ARSF: variants seen among roughly 807,000 people sequenced by gnomAD.
ARSF encodes arylsulfatase F.
ARSF carries 33 observed loss-of-function variants against 35.4 expected under a neutral mutation model. The ratio of observed to expected loss-of-function variants is 0.93; its 90% CI spans 0.71 to 1.25. The LOEUF is 1.25. ARSF is among the 50% of genes most tolerant of loss of function. The probability of loss-of-function intolerance (pLI) is 0.00; values close to 1 mark genes in which losing one functional copy is unlikely to be tolerated. For missense variants in ARSF, 501 were observed against 480.2 expected (o/e 1.04, Z -0.40); for synonymous variants, 222 against 193.1 (o/e 1.15, Z -1.24).
In ARSF at chrX:3,112,671, A is replaced by G; in HGVS notation, c.*115A>G. 1 of 998,318 alleles carries G rather than the reference A, an allele frequency of 1.0e-6. No individual in the cohort carries two copies. The highest frequency in any genetic ancestry group is 2.7e-4 in the Middle Eastern group (1 of 3,637). The allele number at this position is 998,318 out of a possible 1,213,427, so 82.3% of individuals were successfully genotyped here. ...TTTCAAGTTGGCAAGGAGTGCATTT[A>G]ATAGTCAATAAATTCATCTACCATT... On this transcript the variant is annotated 3_prime_UTR_variant, in exon 11 of 11. Coordinates refer to ENST00000381127, the MANE Select transcript of ARSF (RefSeq NM_001201539.2).
At chrX:3,081,104 T>C (rs2090198392) in intron 5 of ARSF, 91 bp downstream of exon 5, 6 of 1,097,965 alleles carry the variant, frequency 5.5e-6, no homozygotes, top group Non-Finnish European at 7.3e-6. Context: ...GGAAACGCTG[T>C]ATTTTACAAT....
intron 1 of ARSF, among the ~76,000 whole-genome samples, chrX:3,061,482 G>A (rs2090041465): frequency 9.0e-6 from 1 of 111,533 alleles, no homozygotes; most frequent in Admixed American, 9.6e-5. Flanking sequence ...TGGGTTAACT[G>A]CCCTGATTAA....
At chrX:3,071,329 A>G (rs956660780) in intron 2 of ARSF, among the ~76,000 whole-genome samples, 12 of 109,949 alleles carry the variant, frequency 1.1e-4, no homozygotes, top group African/African-American at 4.0e-4. Flanking sequence ...TTTTTGATGG[A>G]ACCTCGGTCC....
chrX:3,040,433 A>G (rs1377985577), upstream of ARSF, among the ~76,000 whole-genome samples: 2 of 110,321 alleles, frequency 1.8e-5, no homozygotes, highest in Admixed American at 1.9e-4. Context: ...TTTTTCTCCT[A>G]GGAAGTTGTT....
chrX:3,093,228 T>C (rs765601168), intron 7 of ARSF, among the ~76,000 whole-genome samples: 1 of 112,691 alleles, frequency 8.9e-6, no homozygotes, highest in Non-Finnish European at 1.9e-5. Flanking sequence ...AGTCTACTGA[T>C]AGAATAAACA....
intron 7 of ARSF, among the ~76,000 whole-genome samples, chrX:3,096,208 G>A (rs1320931291): frequency 1.8e-5 from 2 of 109,524 alleles, no homozygotes; most frequent in African/African-American, 6.6e-5. Context: ...TCTCTGTTGG[G>A]TATATGCACC....
intron 1 of ARSF, among the ~76,000 whole-genome samples, chrX:3,046,985 C>T (rs760278057): frequency 3.5e-4 from 39 of 110,213 alleles, no homozygotes; most frequent in Non-Finnish European, 5.5e-4. Flanking sequence ...AAGAAAATGT[C>T]GTAACATTTT....
chrX:3,090,337 C>G (rs1346530070), intron 7 of ARSF, among the ~76,000 whole-genome samples: 4 of 111,512 alleles, frequency 3.6e-5, no homozygotes, highest in Non-Finnish European at 7.5e-5. Context: ...TCATCTCACA[C>G]TGTTACTTTT....
chrX:3,093,344 A>G (rs2090314550), intron 7 of ARSF, among the ~76,000 whole-genome samples: 2 of 111,750 alleles, frequency 1.8e-5, no homozygotes, highest in South Asian at 7.6e-4. Flanking sequence ...TTTGAAGTAC[A>G]ATAGCTCCTG....
At chrX:3,065,853 C>T (rs1476217817) in intron 1 of ARSF, among the ~76,000 whole-genome samples, 1 of 110,605 alleles carries the variant, frequency 9.0e-6, no homozygotes. Flanking sequence ...AATCCCAGCA[C>T]TTTGGGAGGC....
intron 9 of ARSF, among the ~76,000 whole-genome samples, chrX:3,109,376 C>T (rs750964863): frequency 2.7e-5 from 3 of 111,632 alleles, no homozygotes; most frequent in Non-Finnish European, 5.6e-5. Flanking sequence ...TGTCCCATTA[C>T]AAAGCAGGTT....
intron 7 of ARSF, among the ~76,000 whole-genome samples, chrX:3,100,084 T>C (rs2090365371): frequency 8.9e-6 from 1 of 112,086 alleles, no homozygotes; most frequent in Non-Finnish European, 1.9e-5. Context: ...TAAAAATGAT[T>C]GGAAATGTGG....
chrX:3,076,161 TTC>T (rs994217519), intron 3 of ARSF, among the ~76,000 whole-genome samples: 2 of 106,516 alleles, frequency 1.9e-5, no homozygotes, highest in African/African-American at 3.4e-5. Context: ...CTCTCTGTCT[TTC>T]TCTGTCTCCC....
intron 7 of ARSF, among the ~76,000 whole-genome samples, chrX:3,098,355 T>TAG (rs55920719): frequency 0.14 from 15,717 of 108,885 alleles, 937 homozygotes; most frequent in Middle Eastern, 0.21. Flanking sequence ...TCAACCCAAA[T>TAG]AGAGAGAGAG....
chrX:3,110,272 C>A lies in ARSF; in HGVS notation c.1390+20C>A. On this transcript the variant is annotated intron_variant, in intron 10 of 10. Coordinates refer to ENST00000381127, the MANE Select transcript of ARSF (RefSeq NM_001201539.2). ...ACGACAGTGAGTGCTCAACCCGTTG[C>A]TTCCTGTTCCCTGCCAGGAGCAGGG... The A allele has an allele frequency of 6.2e-6, 7 of 1,134,922 alleles. No homozygotes were observed. Among genetic ancestry groups the A allele is most frequent in the Non-Finnish European group, 8.2e-6 (7 of 852,434 alleles). The allele number at this position is 1,134,922 out of a possible 1,213,427, so 93.5% of individuals were successfully genotyped here. A position where few individuals can be genotyped will look rare whatever the true frequency, so the allele number is the denominator to read the frequency against.
At chrX:3,078,935 C>A (rs187223590) in intron 4 of ARSF, among the ~76,000 whole-genome samples, 67 of 110,172 alleles carry the variant, frequency 6.1e-4, no homozygotes, top group African/African-American at 2.2e-3. Flanking sequence ...AGCAATCACT[C>A]CCCATTCCCC....
intron 1 of ARSF, among the ~76,000 whole-genome samples, chrX:3,042,226 A>T (rs1333569647): frequency 8.9e-6 from 1 of 112,238 alleles, no homozygotes; most frequent in Non-Finnish European, 1.9e-5. Context: ...AAATTCATAG[A>T]CTATAAAAAT....
intron 9 of ARSF, among the ~76,000 whole-genome samples, chrX:3,105,655 G>C (rs1300129361): frequency 9.0e-6 from 1 of 110,627 alleles, no homozygotes; most frequent in Non-Finnish European, 1.9e-5. Context: ...TGTAGAGATG[G>C]GTTTTCGCCA....
At chrX:3,052,174 T>C (rs1756409835) in intron 1 of ARSF, among the ~76,000 whole-genome samples, 1 of 112,195 alleles carries the variant, frequency 8.9e-6, no homozygotes, top group Admixed American at 9.5e-5. Context: ...GCACTTGTTA[T>C]AACACCGAGC....
Sources: allele counts gnomAD v4.1 joint callset (sites outside exome capture counted in the v4.1 genomes callset), GRCh38; gene constraint gnomAD v4.1.1; transcripts MANE v1.5; gene names NCBI Gene and HGNC (gene_info 2026-07-23, HGNC 2026-07-21).